Variants in ZNF469 observed in about 807,000 individuals in gnomAD.
ZNF469 encodes zinc finger protein 469.
ZNF469 carries 1 observed loss-of-function variant against 1.0 expected under a neutral mutation model. The observed-to-expected ratio is 1.00, with a 90% CI of 0.35 to 4.73. ZNF469 has a LOEUF of 4.73. Among genes scored for constraint, ZNF469 ranks in the 30% most tolerant of loss-of-function variants. The pLI is 0.16. For missense variants in ZNF469, 6,100 were observed against 5,356.3 expected (o/e 1.14, Z -4.33); for synonymous variants, 2,703 against 2,363.4 (o/e 1.14, Z -4.17).
chr16:88,220,987 C>T, the ZNF469 span, among the ~76,000 whole-genome samples: 1 of 152,248 alleles, frequency 6.6e-6, no homozygotes, highest in African/African-American at 2.4e-5. Context: ...CACCACCCTA[C>T]ACCCTGCACT....
upstream of ZNF469, among the ~76,000 whole-genome samples, chr16:88,380,974 ACACATATGCACT>A (rs2092521571): frequency 7.2e-6 from 1 of 138,514 alleles, no homozygotes; most frequent in South Asian, 2.5e-4. Flanking sequence ...ACATGCACTC[ACACATATGCACT>A]CACACAGACA....
the ZNF469 span, among the ~76,000 whole-genome samples, chr16:88,179,220 A>G: frequency 2.4e-4 from 37 of 152,284 alleles, no homozygotes; most frequent in African/African-American, 8.9e-4. Flanking sequence ...AGTGAGGCCT[A>G]CGGGCGGGGG....
At chr16:88,345,133 G>A in the ZNF469 span, among the ~76,000 whole-genome samples, 9 of 152,334 alleles carry the variant, frequency 5.9e-5, no homozygotes, top group East Asian at 1.7e-3. Context: ...CATAGGGCAT[G>A]TTGCTGACAG....
the ZNF469 span, among the ~76,000 whole-genome samples, chr16:88,198,176 A>T: frequency 6.6e-6 from 1 of 152,232 alleles, no homozygotes; most frequent in Non-Finnish European, 1.5e-5. Context: ...TGGAGCCTGC[A>T]TTGCACGGGG....
chr16:88,245,326 T>C, the ZNF469 span, among the ~76,000 whole-genome samples: 1 of 152,216 alleles, frequency 6.6e-6, no homozygotes, highest in Admixed American at 6.5e-5. Flanking sequence ...CTGCAGGCTG[T>C]GGGAGCAGAG....
chr16:88,391,641 G>A (rs774243590), intron 1 of ZNF469, among the ~76,000 whole-genome samples: 11 of 152,356 alleles, frequency 7.2e-5, no homozygotes, highest in South Asian at 2.1e-4. Flanking sequence ...AGGTGGGGCC[G>A]GGGGACAGGA....
the ZNF469 span, among the ~76,000 whole-genome samples, chr16:88,203,195 GGA>G: frequency 1.3e-5 from 2 of 152,164 alleles, no homozygotes; most frequent in Non-Finnish European, 2.9e-5. Flanking sequence ...CCAGGTGCTC[GGA>G]GAGTGAGGAA....
the ZNF469 span, among the ~76,000 whole-genome samples, chr16:88,151,051 C>T: frequency 1.6e-4 from 24 of 152,362 alleles, no homozygotes; most frequent in Admixed American, 7.2e-4. The surrounding 1 kb of genome is among the most constrained non-coding windows in gnomAD (Gnocchi z 5.4). Flanking sequence ...AAGTGACACG[C>T]GACTCCAGAG....
At chr16:88,115,999 A>T in the ZNF469 span, among the ~76,000 whole-genome samples, 1 of 152,170 alleles carries the variant, frequency 6.6e-6, no homozygotes, top group Non-Finnish European at 1.5e-5. Context: ...TCAGGTGAAA[A>T]GTGTGCGCTC....
chr16:88,225,057 C>T, the ZNF469 span, among the ~76,000 whole-genome samples: 1 of 152,232 alleles, frequency 6.6e-6, no homozygotes, highest in Admixed American at 6.5e-5. Flanking sequence ...TGTACATCCT[C>T]CTCACTGGCC....
the ZNF469 span, among the ~76,000 whole-genome samples, chr16:88,252,352 C>G: frequency 6.6e-6 from 1 of 151,018 alleles, no homozygotes; most frequent in Non-Finnish European, 1.5e-5. Flanking sequence ...ACTCCACACC[C>G]AGGCAGTCTT....
At chr16:88,195,904 C>G in the ZNF469 span, among the ~76,000 whole-genome samples, 1 of 152,228 alleles carries the variant, frequency 6.6e-6, no homozygotes, top group South Asian at 2.1e-4. Context: ...CCAGAGACAA[C>G]ACCGAGCAGG....
chr16:88,201,186 C>T, the ZNF469 span, among the ~76,000 whole-genome samples: 51 of 152,342 alleles, frequency 3.3e-4, 1 homozygote, highest in South Asian at 7.5e-3. The surrounding 1 kb of genome is among the most constrained non-coding windows in gnomAD (Gnocchi z 5.0). Flanking sequence ...TTTTCCAGAA[C>T]GGGGCAGAAG....
the ZNF469 span, among the ~76,000 whole-genome samples, chr16:88,199,961 C>G: frequency 1.3e-5 from 2 of 152,190 alleles, no homozygotes; most frequent in Non-Finnish European, 2.9e-5. Flanking sequence ...CCGAGGACCC[C>G]GCAGCAAGGG....
chr16:88,384,452 G>A (rs1185797200), intron 1 of ZNF469, among the ~76,000 whole-genome samples: 3 of 152,208 alleles, frequency 2.0e-5, no homozygotes, highest in Non-Finnish European at 2.9e-5. Context: ...GCTGAGCAGG[G>A]AGCTCGGAAG....
At chr16:88,224,855 G>A in the ZNF469 span, among the ~76,000 whole-genome samples, 5 of 152,350 alleles carry the variant, frequency 3.3e-5, no homozygotes, top group African/African-American at 1.2e-4. Flanking sequence ...GCGCCCAGTG[G>A]GTCCCCAGCG....
the ZNF469 span, among the ~76,000 whole-genome samples, chr16:88,364,698 T>C: frequency 6.6e-6 from 1 of 152,146 alleles, no homozygotes; most frequent in Non-Finnish European, 1.5e-5. Flanking sequence ...GCGCAGTGAG[T>C]CACGCCAGTA....
chr16:88,266,354 C>T, the ZNF469 span, among the ~76,000 whole-genome samples: 1,007 of 152,324 alleles, frequency 6.6e-3, 7 homozygotes, highest in African/African-American at 0.023. Context: ...GGGGCCGCTC[C>T]GGCTGAGCTT....
the ZNF469 span, among the ~76,000 whole-genome samples, chr16:88,268,048 C>T: frequency 6.8e-3 from 1,028 of 152,048 alleles, 19 homozygotes; most frequent in East Asian, 0.034. Context: ...CAGTGGGCTT[C>T]GATGCGCTTT....
Sources: allele counts gnomAD v4.1 joint callset (sites outside exome capture counted in the v4.1 genomes callset), GRCh38; gene constraint gnomAD v4.1.1; non-coding constraint Gnocchi (gnomAD v3.1); transcripts MANE v1.5; gene names NCBI Gene and HGNC (gene_info 2026-07-23, HGNC 2026-07-21).